The following PLCL1 variants were observed in gnomAD, a reference collection of about 807,000 sequenced individuals.
PLCL1 encodes the protein phospholipase C like 1 (inactive), also known as inactive phospholipase C-like protein 1.
PLCL1 carries 41 observed loss-of-function variants against 84.4 expected under a neutral mutation model. That is an observed-to-expected ratio of 0.49 (90% CI 0.38 to 0.63). PLCL1 has a LOEUF of 0.63. Among genes scored for constraint, PLCL1 ranks in the 30% least tolerant of loss-of-function variants. The pLI is 0.00. For synonymous variants in PLCL1, 490 were observed against 488.3 expected (o/e 1.00, Z -0.05); for missense variants, 1,206 against 1,367.8 (o/e 0.88, Z 1.87).
chr2:197,926,293 A>T (rs745781655), intron 1 of PLCL1, among the ~76,000 whole-genome samples: 14 of 152,238 alleles, frequency 9.2e-5, no homozygotes, highest in African/African-American at 1.4e-4. Flanking sequence ...GACAGAAAAC[A>T]TCAGAATGTG....
chr2:197,912,736 T>A (rs1392798318), intron 1 of PLCL1, among the ~76,000 whole-genome samples: 1 of 132,484 alleles, frequency 7.5e-6, no homozygotes, highest in East Asian at 2.4e-4. Flanking sequence ...TAGGTGGGAA[T>A]TGAACAGTGA....
chr2:198,144,918 C>A (rs1309191258), intron 5 of PLCL1, among the ~76,000 whole-genome samples: 1 of 152,196 alleles, frequency 6.6e-6, no homozygotes, highest in East Asian at 1.9e-4. Flanking sequence ...CCGGAGCCAG[C>A]TGCTGGATTT....
intron 1 of PLCL1, among the ~76,000 whole-genome samples, chr2:197,845,789 A>T (rs539256790): frequency 7.9e-5 from 12 of 152,244 alleles, no homozygotes; most frequent in Admixed American, 7.2e-4. Flanking sequence ...CCCCAAATGT[A>T]AATTAGATGA....
intron 1 of PLCL1, among the ~76,000 whole-genome samples, chr2:197,850,871 G>T (rs1340779541): frequency 1.3e-5 from 2 of 152,188 alleles, no homozygotes; most frequent in African/African-American, 4.8e-5. Flanking sequence ...CCTCTCTCCA[G>T]GAGAGTTTCA....
intron 1 of PLCL1, among the ~76,000 whole-genome samples, chr2:198,004,024 A>G (rs1364569124): frequency 1.3e-5 from 2 of 152,240 alleles, no homozygotes; most frequent in Non-Finnish European, 2.9e-5. Context: ...TGAATAAGTT[A>G]TTCAACTTAT....
At chr2:198,045,124 C>A (rs1458555868) in intron 1 of PLCL1, among the ~76,000 whole-genome samples, 1 of 152,190 alleles carries the variant, frequency 6.6e-6, no homozygotes, top group Non-Finnish European at 1.5e-5. Flanking sequence ...AGGATTAACT[C>A]TAAGCGTAGA....
intron 1 of PLCL1, among the ~76,000 whole-genome samples, chr2:197,968,328 C>G (rs1689789168): frequency 6.6e-6 from 1 of 152,146 alleles, no homozygotes; most frequent in African/African-American, 2.4e-5. Flanking sequence ...AAAGGCCAAT[C>G]CATCATTCCT....
intron 1 of PLCL1, among the ~76,000 whole-genome samples, chr2:197,967,479 C>T (rs1439217797): frequency 1.3e-5 from 2 of 152,178 alleles, no homozygotes; most frequent in Non-Finnish European, 2.9e-5. Flanking sequence ...TCACTAGATA[C>T]ATATGGGCAA....
intron 5 of PLCL1, among the ~76,000 whole-genome samples, chr2:198,123,696 C>T (rs1049278213): frequency 2.0e-5 from 3 of 152,056 alleles, no homozygotes; most frequent in African/African-American, 4.8e-5. Context: ...TGTTAGGAAC[C>T]AGACCATGCA....
intron 1 of PLCL1, among the ~76,000 whole-genome samples, chr2:197,996,203 G>A (rs1401539038): frequency 1.3e-5 from 2 of 152,098 alleles, no homozygotes; most frequent in African/African-American, 4.8e-5. Flanking sequence ...AGAAATGCTG[G>A]TTAGGAAGGC....
chr2:197,934,884 G>A (rs1689018662), intron 1 of PLCL1, among the ~76,000 whole-genome samples: 1 of 152,078 alleles, frequency 6.6e-6, no homozygotes, highest in African/African-American at 2.4e-5. Context: ...TGCAAATTCT[G>A]CATCTGACAA....
chr2:197,947,275 GTA>G (rs1422861043), intron 1 of PLCL1, among the ~76,000 whole-genome samples: 16 of 143,950 alleles, frequency 1.1e-4, no homozygotes, highest in Non-Finnish European at 2.3e-4. Context: ...TACACATTAT[GTA>G]TGAGCAAAAT....
chr2:198,014,492 A>G (rs1690945504), intron 1 of PLCL1, among the ~76,000 whole-genome samples: 1 of 152,134 alleles, frequency 6.6e-6, no homozygotes, highest in Non-Finnish European at 1.5e-5. Context: ...CTGTGTATAA[A>G]GAAGTAATTA....
In PLCL1 at chr2:197,804,952, G is replaced by GCCA; in HGVS notation, c.-146_-145insACC. 1 of 998,544 alleles carries GCCA rather than the reference G, an allele frequency of 1.0e-6. No individual in the cohort carries two copies. The highest frequency in any genetic ancestry group is 1.4e-6 in the Non-Finnish European group (1 of 714,908). The allele number at this position is 998,544 out of a possible 1,614,324, so 61.9% of individuals were successfully genotyped here. ...CCCTCTCCAGAAAGTTGCCGCCGCC[G>GCCA]CCGCCGCCGCCGCCACTGCCGCCGC... On this transcript the variant is annotated 5_prime_UTR_variant, in exon 1 of 6. Coordinates refer to ENST00000428675, the MANE Select transcript of PLCL1 (RefSeq NM_006226.4).
chr2:197,912,398 G>A (rs946546919), intron 1 of PLCL1, among the ~76,000 whole-genome samples: 5 of 151,428 alleles, frequency 3.3e-5, no homozygotes, highest in Admixed American at 6.6e-5. Flanking sequence ...ATTCCTCAGG[G>A]ATCTAGAACT....
At chr2:198,035,071 ACT>A (rs1168292682) in intron 1 of PLCL1, among the ~76,000 whole-genome samples, 1 of 152,120 alleles carries the variant, frequency 6.6e-6, no homozygotes, top group African/African-American at 2.4e-5. Context: ...CTGTAAAATT[ACT>A]CTTTGTCCCC....
At chr2:197,980,425 T>C (rs1415880512) in intron 1 of PLCL1, among the ~76,000 whole-genome samples, 1 of 152,248 alleles carries the variant, frequency 6.6e-6, no homozygotes, top group Non-Finnish European at 1.5e-5. Flanking sequence ...TTGTTCCGTA[T>C]CATATTGTAT....
intron 5 of PLCL1, among the ~76,000 whole-genome samples, chr2:198,119,669 C>G (rs1693825446): frequency 6.6e-6 from 1 of 151,862 alleles, no homozygotes; most frequent in Non-Finnish European, 1.5e-5. Context: ...TCATCAAAAC[C>G]AAATTATCTC....
chr2:197,812,898 T>C (rs1690615058), intron 1 of PLCL1, among the ~76,000 whole-genome samples: 1 of 152,136 alleles, frequency 6.6e-6, no homozygotes, highest in Admixed American at 6.6e-5. Context: ...CTGACCATGT[T>C]GTAGGCACTT....
Sources: gnomAD v4.1 joint callset for allele counts (sites outside exome capture counted in the v4.1 genomes callset) on GRCh38, gnomAD v4.1.1 for gene constraint, MANE v1.5 for transcripts, NCBI Gene and HGNC (gene_info 2026-07-23, HGNC 2026-07-21) for gene names.